The following CNR2 variants were observed in gnomAD, a reference collection of about 807,000 sequenced individuals.
CNR2 encodes cannabinoid receptor 2, also known as cannabinoid receptor 2 (macrophage).
For synonymous variants in CNR2, 172 were observed against 182.2 expected, an observed-to-expected ratio of 0.94 and a Z score of 0.45; for missense variants, 379 against 439.9, an observed-to-expected ratio of 0.86 and a Z score of 1.24.
intron 1 of CNR2, among the ~76,000 whole-genome samples, chr1:23,903,415 T>TA (rs915019977): frequency 4.7e-5 from 7 of 149,672 alleles, no homozygotes; most frequent in African/African-American, 7.4e-5. Flanking sequence ...CCTCTACAAA[T>TA]AAAAAAAAAT....
chr1:23,898,932 C>T (rs1016329129), intron 1 of CNR2, among the ~76,000 whole-genome samples: 1 of 152,066 alleles, frequency 6.6e-6, no homozygotes, highest in African/African-American at 2.4e-5. Context: ...GGATAACAGG[C>T]GTGAGCCACC....
chr1:23,901,970 T>G (rs1036930207), intron 1 of CNR2: 26 of 1,604,740 alleles, frequency 1.6e-5, no homozygotes, highest in Non-Finnish European at 1.8e-5. Flanking sequence ...CAGGCGGGGC[T>G]TGTTGGTGGC....
chr1:23,901,707 C>A, intron 1 of CNR2: 3 of 1,419,184 alleles, frequency 2.1e-6, no homozygotes, highest in South Asian at 1.2e-5. Flanking sequence ...CTGGATCTGT[C>A]CGACATGAAT....
At chr1:23,885,646 G>A (rs76212845) in intron 1 of CNR2, among the ~76,000 whole-genome samples, 109,700 of 150,692 alleles carry the variant, frequency 0.73, 40,588 homozygotes, top group Middle Eastern at 0.8. Context: ...CTGGGAGGCT[G>A]AAGCAGGTGG....
At chr1:23,894,319 G>A (rs944846550) in intron 1 of CNR2, among the ~76,000 whole-genome samples, 4 of 151,980 alleles carry the variant, frequency 2.6e-5, no homozygotes, top group African/African-American at 9.7e-5. Context: ...TACTCGGGTG[G>A]CTGAGGCAGG....
intron 1 of CNR2, among the ~76,000 whole-genome samples, chr1:23,908,973 T>C (rs1360903242): frequency 1.3e-5 from 2 of 151,760 alleles, no homozygotes; most frequent in Non-Finnish European, 2.9e-5. Flanking sequence ...TTTGACTCAC[T>C]GTATGAGCAG....
At chr1:23,911,240 C>G (rs1640578423) in intron 1 of CNR2, among the ~76,000 whole-genome samples, 1 of 151,712 alleles carries the variant, frequency 6.6e-6, no homozygotes, top group Non-Finnish European at 1.5e-5. Flanking sequence ...GGGAGGGGAC[C>G]GAGGTCTTGG....
chr1:23,895,746 G>A (rs567596110), intron 1 of CNR2, among the ~76,000 whole-genome samples: 32 of 151,984 alleles, frequency 2.1e-4, no homozygotes, highest in Non-Finnish European at 4.0e-4. Flanking sequence ...CTCTTGATCC[G>A]CCCTCCTCGG....
At chr1:23,876,482 C>G (rs536762859) in intron 1 of CNR2, among the ~76,000 whole-genome samples, 2 of 151,910 alleles carry the variant, frequency 1.3e-5, no homozygotes, top group African/African-American at 2.4e-5. Context: ...GAATTACAGG[C>G]ATGAGCCACT....
intron 1 of CNR2, among the ~76,000 whole-genome samples, chr1:23,877,202 A>T (rs1639898728): frequency 6.6e-6 from 1 of 152,236 alleles, no homozygotes; most frequent in Admixed American, 6.5e-5. Flanking sequence ...TGAGTACAGA[A>T]TGAGAGATTG....
intron 1 of CNR2, among the ~76,000 whole-genome samples, chr1:23,898,203 A>C (rs984830558): frequency 6.8e-6 from 1 of 147,650 alleles, no homozygotes; most frequent in Non-Finnish European, 1.5e-5. Flanking sequence ...TTTTTTTATT[A>C]TTTTTTTGTA....
chr1:23,911,492 G>T (rs2148473203), intron 1 of CNR2, among the ~76,000 whole-genome samples: 1 of 152,254 alleles, frequency 6.6e-6, no homozygotes, highest in South Asian at 2.1e-4. Context: ...TGTCCTCTGG[G>T]TCAATGTGCA....
intron 1 of CNR2, among the ~76,000 whole-genome samples, chr1:23,910,654 C>CAAAAAAA (rs34083515): frequency 2.2e-4 from 7 of 32,168 alleles, no homozygotes; most frequent in African/African-American, 6.8e-4. Flanking sequence ...AACGCTGTCT[C>CAAAAAAA]AAAAAAAAAA....
intron 1 of CNR2, among the ~76,000 whole-genome samples, chr1:23,897,309 T>G (rs1455889567): frequency 6.6e-6 from 1 of 152,100 alleles, no homozygotes; most frequent in Non-Finnish European, 1.5e-5. Flanking sequence ...CACGAAAGCC[T>G]GGGGCAGAAG....
At position 23,898,335 on chromosome 1, in the gene CNR2, CTTTT is replaced by C. The variant is rs557452268; in HGVS notation, c.-46+14907_-46+14910del. 6.9e-4 allele frequency among the ~76,000 whole-genome samples: 75 copies of C among 108,106 alleles called. 6 individuals are homozygous for C. Among genetic ancestry groups the C allele is most frequent in the African/African-American group, 1.6e-3 (43 of 27,422 alleles). The allele number at this position is 108,106 out of a possible 152,430, so 70.9% of individuals were successfully genotyped here. A position where few individuals can be genotyped will look rare whatever the true frequency, so the allele number is the denominator to read the frequency against. On this transcript the variant is annotated intron_variant, in intron 1 of 1. Coordinates refer to ENST00000374472, the MANE Select transcript of CNR2 (RefSeq NM_001841.3). ...TACAGGCGTGAGCCACCGCGCCCGG[CTTTT>C]TTTTTTTTTTTTTTTTTTTTGAGAT... is the stretch of plus-strand genomic sequence containing the variant.
intron 1 of CNR2, among the ~76,000 whole-genome samples, chr1:23,885,656 G>A (rs1317351452): frequency 3.3e-5 from 5 of 151,674 alleles, no homozygotes; most frequent in Admixed American, 6.6e-5. Flanking sequence ...GAAGCAGGTG[G>A]ATCACGAGAT....
intron 1 of CNR2, among the ~76,000 whole-genome samples, chr1:23,892,442 T>A (rs983715502): frequency 6.6e-6 from 1 of 152,238 alleles, no homozygotes; most frequent in African/African-American, 2.4e-5. Context: ...TCAACTGGCA[T>A]GAAGCCTGGC....
chr1:23,909,789 C>T (rs1640554036), intron 1 of CNR2, among the ~76,000 whole-genome samples: 1 of 152,102 alleles, frequency 6.6e-6, no homozygotes, highest in Non-Finnish European at 1.5e-5. Context: ...AAAGACAACC[C>T]TGATCATGAG....
rs1234297817 is a variant in CNR2, at chr1:23,902,097, G to A, written c.-46+11149C>T. On this transcript the variant is annotated intron_variant, in intron 1 of 1. Coordinates refer to ENST00000374472, the MANE Select transcript of CNR2 (RefSeq NM_001841.3). The stretch of plus-strand genomic sequence containing the variant: ...TCATGGTTGGAATTCGGATCAGATA[G>A]AGGGCTCGCCCCAAAACATGCCTCT... The A allele has an allele frequency of 2.0e-6, 3 of 1,496,494 alleles. No individual in the cohort carries two copies. In the East Asian group the frequency reaches 6.8e-5, roughly 34 times the overall value. The allele number at this position is 1,496,494 out of a possible 1,614,324, so 92.7% of individuals were successfully genotyped here.
Sources: allele counts gnomAD v4.1 joint callset (sites outside exome capture counted in the v4.1 genomes callset), GRCh38; gene constraint gnomAD v4.1.1; transcripts MANE v1.5; gene names NCBI Gene and HGNC (gene_info 2026-07-23, HGNC 2026-07-21).